Variants in DUSP13B observed in about 807,000 individuals in gnomAD.
DUSP13B encodes dual specificity phosphatase 13B.
At chr10:75,096,574 C>T in the DUSP13B span, among the ~76,000 whole-genome samples, 1 of 141,328 alleles carries the variant, frequency 7.1e-6, no homozygotes, top group Non-Finnish European at 1.5e-5. Context: ...GAGACCCCGC[C>T]TCAAAAAAAA....
chr10:75,095,828 G>A, the DUSP13B span: 1 of 1,601,002 alleles, frequency 6.2e-7, no homozygotes, highest in African/African-American at 1.3e-5. Context: ...TTAGGAGAGT[G>A]GAGGTAGATC....
the DUSP13B span, chr10:75,103,761 C>G: frequency 1.5e-6 from 1 of 672,814 alleles, no homozygotes; most frequent in South Asian, 1.8e-5. Context: ...CTGCTGGAGA[C>G]AGCTGTGGCC....
chr10:75,106,286 T>A, the DUSP13B span, among the ~76,000 whole-genome samples: 1 of 151,948 alleles, frequency 6.6e-6, no homozygotes, highest in South Asian at 2.1e-4. Context: ...TGTCGCCTCA[T>A]CTCAGATTGT....
the DUSP13B span, chr10:75,094,709 G>A: frequency 4.3e-6 from 7 of 1,614,154 alleles, no homozygotes; most frequent in South Asian, 7.7e-5. Flanking sequence ...CCAGTCGGTT[G>A]TCCAGAACCT....
the DUSP13B span, chr10:75,109,122 C>G: frequency 5.6e-6 from 9 of 1,609,450 alleles, no homozygotes; most frequent in Non-Finnish European, 7.6e-6. Flanking sequence ...TGGCTTTGTC[C>G]TCTCCCCCCA....
chr10:75,095,840 C>T, the DUSP13B span: 1 of 1,581,764 alleles, frequency 6.3e-7, no homozygotes, highest in Admixed American at 1.7e-5. Flanking sequence ...AGGTAGATCT[C>T]ACTGTGGCAG....
At chr10:75,105,616 C>A in the DUSP13B span, 4 of 1,520,230 alleles carry the variant, frequency 2.6e-6, no homozygotes, top group South Asian at 4.8e-5. Context: ...CCTCACCTGG[C>A]CTCTTCCGGC....
chr10:75,108,398 C>T, the DUSP13B span: 34 of 1,085,804 alleles, frequency 3.1e-5, no homozygotes, highest in East Asian at 1.6e-4. Context: ...GTGGCTGAGC[C>T]GGCGGTGTGT....
the DUSP13B span, among the ~76,000 whole-genome samples, chr10:75,105,205 G>C: frequency 4.1e-4 from 63 of 152,316 alleles, no homozygotes; most frequent in African/African-American, 1.4e-3. Flanking sequence ...CCAGACCTAG[G>C]GGGAAGGGGA....
the DUSP13B span, among the ~76,000 whole-genome samples, chr10:75,101,656 CACATAGCCA>C: frequency 1.3e-5 from 2 of 152,188 alleles, no homozygotes; most frequent in African/African-American, 2.4e-5. Flanking sequence ...TACCCAGAGT[CACATAGCCA>C]ATTGATGTGG....
At chr10:75,095,587 T>A in the DUSP13B span, 1 of 1,613,980 alleles carries the variant, frequency 6.2e-7, no homozygotes, top group Non-Finnish European at 8.5e-7. Context: ...TGGGGAACAC[T>A]GAGGGCAGCT....
At chr10:75,104,859 A>T in the DUSP13B span, among the ~76,000 whole-genome samples, 3 of 152,080 alleles carry the variant, frequency 2.0e-5, no homozygotes, top group African/African-American at 7.2e-5. Context: ...TGGGCTGGCT[A>T]TGCCTTCAGA....
At chr10:75,095,817 G>T in the DUSP13B span, 2 of 1,609,580 alleles carry the variant, frequency 1.2e-6, no homozygotes, top group South Asian at 1.1e-5. Context: ...GGCACAAGGG[G>T]TTAGGAGAGT....
chr10:75,099,721 C>A, the DUSP13B span: 1 of 324,934 alleles, frequency 3.1e-6, no homozygotes, highest in Non-Finnish European at 5.2e-6. Context: ...GGGAGTCTAC[C>A]TGAAGAGGTG....
chr10:75,098,932 G>T, the DUSP13B span: 9 of 1,212,174 alleles, frequency 7.4e-6, no homozygotes, highest in Non-Finnish European at 9.3e-6. Context: ...CCATCTTTGG[G>T]GCCTCCAGAG....
the DUSP13B span, chr10:75,099,638 C>T: frequency 1.1e-6 from 1 of 912,796 alleles, no homozygotes; most frequent in Non-Finnish European, 1.4e-6. Context: ...TCCCTCTAAA[C>T]CCCCAGGCCT....
chr10:75,109,014 T>A, the DUSP13B span: 2 of 1,603,296 alleles, frequency 1.2e-6, no homozygotes, highest in Non-Finnish European at 1.7e-6. Context: ...CTCACGCATC[T>A]CCTATGAAAA....
chr10:75,105,656 C>T, the DUSP13B span: 48 of 1,547,736 alleles, frequency 3.1e-5, no homozygotes, highest in Non-Finnish European at 4.1e-5. Context: ...CCCCTGAGGC[C>T]TCACCTGGCC....
chr10:75,094,496 T>A, the DUSP13B span: 2 of 619,640 alleles, frequency 3.2e-6, no homozygotes, highest in Non-Finnish European at 5.6e-6. Context: ...ATAAAGAATC[T>A]CTGAATTGGG....
Sources: gnomAD v4.1 joint callset for allele counts (sites outside exome capture counted in the v4.1 genomes callset) on GRCh38, gnomAD v4.1.1 for gene constraint, MANE v1.5 for transcripts, NCBI Gene and HGNC (gene_info 2026-07-23, HGNC 2026-07-21) for gene names.